The following BRWD3 variants were observed in gnomAD, a reference collection of about 807,000 sequenced individuals.
BRWD3 encodes the protein bromodomain and WD repeat domain containing 3.
In BRWD3, 10 loss-of-function variants were observed where a neutral mutation model predicts 149.7. The observed-to-expected ratio is 0.07, with a 90% CI of 0.04 to 0.11. The LOEUF is 0.11. BRWD3 is among the 10% of genes least tolerant of loss of function. The probability of loss-of-function intolerance (pLI) is 1.00; values close to 1 mark genes in which losing one functional copy is unlikely to be tolerated. For missense variants in BRWD3, 940 were observed against 1,373.2 expected (o/e 0.68, Z 4.99); for synonymous variants, 504 against 456.7 (o/e 1.10, Z -1.32).
Position 80,735,205 on chromosome X carries a change from TA to T in BRWD3, c.915-9del. ...AATTTCACCGGGCGATCTCTAAAGA[TA>T]AAAATAAGGTGTTTTTGTGTTTCAT... On this transcript the variant is annotated splice_polypyrimidine_tract_variant and intron_variant, in intron 9 of 40. Coordinates refer to ENST00000373275, the MANE Select transcript of BRWD3 (RefSeq NM_153252.5). The T allele has an allele frequency of 8.4e-7, 1 of 1,196,967 alleles. No individual in the cohort carries two copies. The highest frequency in any genetic ancestry group is 1.8e-5 in the South Asian group (1 of 56,568).
intron 6 of BRWD3, 59 bp from the exon 7 acceptor site, chrX:80,745,788 A>C: frequency 9.6e-7 from 1 of 1,038,557 alleles, no homozygotes; most frequent in East Asian, 3.3e-5. Flanking sequence ...CATGAAATTA[A>C]GTCATAAATA....
chrX:80,693,688 G>A (rs146212014), intron 27 of BRWD3, among the ~76,000 whole-genome samples: 1,590 of 111,798 alleles, frequency 0.014, 21 homozygotes, highest in Non-Finnish European at 0.02. Context: ...ACTTGAGAGA[G>A]ATGATTTAGG....
Position 80,699,884 on chromosome X carries a change from G to GA in BRWD3, c.2943+72dup. 4 of 776,138 alleles carry GA rather than the reference G, an allele frequency of 5.2e-6. No homozygotes were observed. In the South Asian group the frequency reaches 8.8e-5, roughly 17 times the overall value. 64.0% of individuals were successfully genotyped at this position (776,138 alleles called of 1,213,427 possible). A position where few individuals can be genotyped will look rare whatever the true frequency, so the allele number is the denominator to read the frequency against. ...AGTGAAATATGCATAAAACTGAGGG[G>GA]AAAAAACCATGGGTAAGCAATTTAA... On this transcript the variant is annotated intron_variant, in intron 25 of 40. Transcript: ENST00000373275.
In BRWD3 at chrX:80,802,599, T is replaced by C. The variant is rs977736742; in HGVS notation, c.180+5940A>G. 1.3e-4 allele frequency among the ~76,000 whole-genome samples: 14 copies of C among 110,203 alleles called. No individual in the cohort carries two copies. In the East Asian group the frequency reaches 4.0e-3, roughly 31 times the overall value. The stretch of plus-strand genomic sequence containing the variant: ...CCTAATTTTAAAATGTAGCGAACAA[T>C]TCATTTGCACAGCATTTTACAATTA... On this transcript the variant is annotated intron_variant, in intron 4 of 40. Coordinates refer to ENST00000373275, the MANE Select transcript of BRWD3 (RefSeq NM_153252.5).
intron 4 of BRWD3, 74 bp downstream of exon 4, chrX:80,808,465 G>C (rs1288072062): frequency 2.4e-5 from 20 of 830,632 alleles, no homozygotes; most frequent in Non-Finnish European, 3.0e-5. Context: ...AGAGGTGGGG[G>C]GCGGGTTGGG....
chrX:80,705,052 G>A (rs2072843058), intron 22 of BRWD3, among the ~76,000 whole-genome samples: 1 of 111,462 alleles, frequency 9.0e-6, no homozygotes, highest in African/African-American at 3.3e-5. Context: ...CAGATCACAA[G>A]ATCAGGAATT....
At chrX:80,711,539 T>A (rs1212227765) in intron 20 of BRWD3, among the ~76,000 whole-genome samples, 1 of 112,044 alleles carries the variant, frequency 8.9e-6, no homozygotes, top group Non-Finnish European at 1.9e-5. Flanking sequence ...TTTCCAGGCC[T>A]TTTTCCTGAT....
chrX:80,732,222 C>T (rs750405561), intron 12 of BRWD3, among the ~76,000 whole-genome samples: 111 of 112,102 alleles, frequency 9.9e-4, no homozygotes, highest in African/African-American at 2.8e-3. Context: ...TATCCACTTC[C>T]GGTATACCAA....
At chrX:80,781,544 G>T (rs898962982) in intron 6 of BRWD3, among the ~76,000 whole-genome samples, 2 of 110,959 alleles carry the variant, frequency 1.8e-5, no homozygotes, top group African/African-American at 3.3e-5. Context: ...GAGGTTGGCC[G>T]ATGACTGCTC....
chrX:80,691,008 C>G (rs2072603702), intron 31 of BRWD3, 45 bp downstream of exon 31: 1 of 1,179,994 alleles, frequency 8.5e-7, no homozygotes, highest in African/African-American at 1.8e-5. Flanking sequence ...AAGCAAAAGC[C>G]ATAAAGCTAT....
chrX:80,681,073 G>C (rs1320966972), intron 40 of BRWD3, among the ~76,000 whole-genome samples: 2 of 102,003 alleles, frequency 2.0e-5, no homozygotes, highest in African/African-American at 7.3e-5. Context: ...GCTTCCTAAA[G>C]TGCTGGGATT....
rs1489365646 is a variant in BRWD3 at position 80,682,074 on chromosome X, T to C, written c.4418A>G (p.Gln1473Arg). The change falls in exon 39 of 41, where the codon CAA (glutamine) becomes CGA (arginine). Residue 1473 changes from glutamine to arginine, a missense_variant. By Grantham distance (43) the Gln-to-Arg change is conservative. Around this residue, in one of 6 missense-constraint regions of BRWD3, gnomAD observed 349 missense variants for 419.6 expected, o/e 0.83. Transcript: ENST00000373275. ...GTCATTTTTAGGCTGCAACTTCATT[T>C]GTTTCTGCTTCCCTTTTGGACTAGA... is the stretch of plus-strand genomic sequence containing the variant. The part of the protein sequence containing the change: ...GAPSPKGKQK[Q>R]MKLQPKNDQN... 1 of 1,206,404 alleles carries C rather than the reference T, an allele frequency of 8.3e-7. No homozygotes were observed. The highest frequency in any genetic ancestry group is 1.1e-6 in the Non-Finnish European group (1 of 892,781).
intron 6 of BRWD3, among the ~76,000 whole-genome samples, chrX:80,756,634 C>T (rs987607147): frequency 1.8e-5 from 2 of 110,471 alleles, no homozygotes; most frequent in Non-Finnish European, 3.8e-5. Flanking sequence ...AACATGTTCC[C>T]CAAATGTTAA....
intron 10 of BRWD3, 116 bp from the exon 11 acceptor site, chrX:80,734,334 G>T (rs1160428874): frequency 2.9e-5 from 15 of 513,011 alleles, no homozygotes; most frequent in Non-Finnish European, 1.7e-5. Flanking sequence ...GAAACACAAG[G>T]TTGTCTTCTA....
At chrX:80,788,544 A>G (rs2074140817) in intron 6 of BRWD3, among the ~76,000 whole-genome samples, 2 of 111,770 alleles carry the variant, frequency 1.8e-5, no homozygotes, top group Non-Finnish European at 3.8e-5. Flanking sequence ...GGAATACAAC[A>G]TATAATAGCT....
intron 11 of BRWD3, 99 bp from the exon 12 acceptor site, chrX:80,733,595 GTT>G (rs370277579): frequency 1.4e-3 from 676 of 473,585 alleles, no homozygotes; most frequent in Middle Eastern, 2.2e-3. Flanking sequence ...TCATGAAGTA[GTT>G]TTTTTTTTTT....
At chrX:80,743,232 C>G (rs1177385301) in intron 8 of BRWD3, among the ~76,000 whole-genome samples, 4 of 111,935 alleles carry the variant, frequency 3.6e-5, no homozygotes, top group Non-Finnish European at 7.5e-5. Flanking sequence ...AGCCGTGCAT[C>G]CCAGGGATGA....
intron 6 of BRWD3, among the ~76,000 whole-genome samples, chrX:80,764,531 T>G (rs771017032): frequency 1.3e-4 from 14 of 109,180 alleles, no homozygotes; most frequent in African/African-American, 4.7e-4. Context: ...GCCAGGATGG[T>G]CTCGATCTCC....
chrX:80,736,987 A>C (rs1602374153), intron 8 of BRWD3, among the ~76,000 whole-genome samples: 1 of 112,383 alleles, frequency 8.9e-6, no homozygotes, highest in Admixed American at 9.4e-5. Context: ...GTTTGAATAC[A>C]TTTTGAATGC....
Sources: gnomAD v4.1 joint callset for allele counts (sites outside exome capture counted in the v4.1 genomes callset) on GRCh38, gnomAD v4.1.1 for gene constraint, gnomAD v4.1.1 regional missense constraint, MANE v1.5 for transcripts, NCBI Gene and HGNC (gene_info 2026-07-23, HGNC 2026-07-21) for gene names.